Variants in PPP1R9A observed in about 807,000 individuals in gnomAD.
PPP1R9A encodes protein phosphatase 1 regulatory subunit 9A, also known as neurabin-1.
In PPP1R9A, 59 loss-of-function variants were observed where a neutral mutation model predicts 141.9. That is an observed-to-expected ratio of 0.42 (90% CI 0.34 to 0.52). The LOEUF (loss-of-function observed/expected upper bound fraction) is 0.52, where lower values mean the gene tolerates loss of function less well. PPP1R9A is among the 20% of genes least tolerant of loss of function. The pLI, the probability that PPP1R9A is intolerant of heterozygous loss-of-function variation, is 0.10. For missense variants in PPP1R9A, 1,444 were observed against 1,611.9 expected, an observed-to-expected ratio of 0.90 and a Z score of 1.78; for synonymous variants, 500 against 569.7, an observed-to-expected ratio of 0.88 and a Z score of 1.74.
chr7:94,913,520 G>T (rs1239023804), intron 2 of PPP1R9A, among the ~76,000 whole-genome samples: 1 of 152,070 alleles, frequency 6.6e-6, no homozygotes, highest in African/African-American at 2.4e-5. Context: ...ATTTGATTGG[G>T]CAGTTAACAG....
At chr7:94,940,061 G>A (rs552436120) in intron 2 of PPP1R9A, among the ~76,000 whole-genome samples, 5 of 152,028 alleles carry the variant, frequency 3.3e-5, no homozygotes, top group Non-Finnish European at 5.9e-5. Flanking sequence ...ATAGATGAAA[G>A]TTCTGATTTA....
In PPP1R9A at chr7:95,239,323, CT is replaced by C. The variant is rs201137483; in HGVS notation, c.2113-8146del. The stretch of plus-strand genomic sequence containing the variant: ...TTTGATGTTAATATTCTTACTGCTA[CT>C]TTTGTTTGCAGTTGCTGGATAAACA... On this transcript the variant is annotated intron_variant, in intron 8 of 19. Transcript: ENST00000433360. Among the ~76,000 whole-genome samples the C allele has an allele frequency of 8.0e-3, 1,225 of 152,260 alleles. 7 individuals are homozygous for C. Among genetic ancestry groups the C allele is most frequent in the African/African-American group, 0.014 (563 of 41,552 alleles).
chr7:95,258,213 C>G (rs1439217467), intron 12 of PPP1R9A, among the ~76,000 whole-genome samples: 1 of 152,130 alleles, frequency 6.6e-6, no homozygotes, highest in Non-Finnish European at 1.5e-5. Flanking sequence ...ACCATTCTAA[C>G]TGGTGTGAGA....
chr7:94,951,876 C>T (rs1441162526), intron 2 of PPP1R9A, among the ~76,000 whole-genome samples: 1 of 150,594 alleles, frequency 6.6e-6, no homozygotes. Flanking sequence ...TTAAATTTTT[C>T]ATTCAACCTC....
intron 2 of PPP1R9A, among the ~76,000 whole-genome samples, chr7:94,940,573 T>G (rs1353056489): frequency 2.0e-5 from 3 of 151,998 alleles, no homozygotes; most frequent in Admixed American, 2.0e-4. Flanking sequence ...AAGGAAAACA[T>G]TTAGCCTTAA....
In PPP1R9A at chr7:94,962,638, T is replaced by C. The variant is rs191416038; in HGVS notation, c.1395+51130T>C. 2.0e-5 allele frequency among the ~76,000 whole-genome samples: 3 copies of C among 152,202 alleles called. No homozygotes were observed. The East Asian group carries it at 5.8e-4, about 29-fold the overall frequency. On this transcript the variant is annotated intron_variant, in intron 2 of 19. Coordinates refer to ENST00000433360, the MANE Select transcript of PPP1R9A (RefSeq NM_001166160.2). ...CAATCAAAAAACTCATGTTGAAAAT[T>C]CAGATAAATAGCTAGCAAAATCACA...
intron 2 of PPP1R9A, among the ~76,000 whole-genome samples, chr7:94,926,713 G>A (rs1793530779): frequency 6.6e-6 from 1 of 150,858 alleles, no homozygotes; most frequent in Admixed American, 6.6e-5. Flanking sequence ...ACTTTTTTGG[G>A]GTCATTTCTG....
chr7:95,079,098 C>A (rs148950500), intron 2 of PPP1R9A, among the ~76,000 whole-genome samples: 1 of 152,086 alleles, frequency 6.6e-6, no homozygotes, highest in East Asian at 1.9e-4. Flanking sequence ...TTTCTTCTAG[C>A]GTATTTATGG....
intron 2 of PPP1R9A, among the ~76,000 whole-genome samples, chr7:94,951,750 C>T (rs973478673): frequency 2.6e-5 from 4 of 151,694 alleles, no homozygotes; most frequent in African/African-American, 9.7e-5. Context: ...GGAATGTTTT[C>T]ACCTCTTAGG....
Position 95,248,027 on chromosome 7 carries a change from T to G in PPP1R9A, c.2166+501T>G, listed in dbSNP as rs544628120. On this transcript the variant is annotated intron_variant, in intron 9 of 19. Coordinates refer to ENST00000433360, the MANE Select transcript of PPP1R9A (RefSeq NM_001166160.2). ...GTACTACTGGAAATTTTTAGTTGTT[T>G]GGTTCACATAATTTAAATTTGTGGG... Among the ~76,000 whole-genome samples, 3 of 151,502 alleles carry G rather than the reference T, an allele frequency of 2.0e-5. No individual in the cohort carries two copies. The East Asian group carries it at 5.9e-4, about 30-fold the overall frequency.
intron 4 of PPP1R9A, among the ~76,000 whole-genome samples, chr7:95,159,575 C>T (rs1296392587): frequency 1.3e-5 from 2 of 151,976 alleles, no homozygotes; most frequent in East Asian, 3.9e-4. Flanking sequence ...GAGAATAAAA[C>T]TAGAGACAAA....
At chr7:95,122,056 G>T (rs1251831909) in intron 4 of PPP1R9A, among the ~76,000 whole-genome samples, 1 of 151,314 alleles carries the variant, frequency 6.6e-6, no homozygotes, top group African/African-American at 2.4e-5. Flanking sequence ...ATTTTTTTAT[G>T]TTTAAGTATG....
At chr7:94,986,225 T>G (rs2151382285) in intron 2 of PPP1R9A, among the ~76,000 whole-genome samples, 1 of 152,316 alleles carries the variant, frequency 6.6e-6, no homozygotes, top group Admixed American at 6.5e-5. Flanking sequence ...TTCTGTTGTC[T>G]CTTCCTTTTC....
intron 2 of PPP1R9A, among the ~76,000 whole-genome samples, chr7:94,950,121 G>T (rs1208722004): frequency 6.6e-6 from 1 of 151,942 alleles, no homozygotes; most frequent in Non-Finnish European, 1.5e-5. Context: ...CTACTGTTTT[G>T]CCTGTTTACA....
At chr7:95,024,273 C>G (rs1003422734) in intron 2 of PPP1R9A, among the ~76,000 whole-genome samples, 1 of 152,082 alleles carries the variant, frequency 6.6e-6, no homozygotes, top group African/African-American at 2.4e-5. Flanking sequence ...GTGGAGATTT[C>G]TGTAGATGTC....
At chr7:95,232,767 A>G (rs1237903624) in intron 8 of PPP1R9A, among the ~76,000 whole-genome samples, 1 of 152,244 alleles carries the variant, frequency 6.6e-6, no homozygotes, top group Non-Finnish European at 1.5e-5. Flanking sequence ...CATATGAAAA[A>G]AAGCTTATCA....
rs552408126 is a variant in PPP1R9A at position 95,186,091 on chromosome 7, A to G, written c.1755-12258A>G. 3.9e-5 allele frequency among the ~76,000 whole-genome samples: 6 copies of G among 151,910 alleles called. No individual in the cohort carries two copies. The South Asian group carries it at 1.0e-3, about 26-fold the overall frequency. ...ATGATAGTGTTTTGATAGGAATTGC[A>G]TTGAATTTGTAGATTGCTTTTGGCA... is the stretch of plus-strand genomic sequence containing the variant. On this transcript the variant is annotated intron_variant, in intron 5 of 19. Transcript: ENST00000433360.
At chr7:95,078,974 T>A (rs973110035) in intron 2 of PPP1R9A, among the ~76,000 whole-genome samples, 1 of 152,152 alleles carries the variant, frequency 6.6e-6, no homozygotes, top group Non-Finnish European at 1.5e-5. Context: ...GTGCAGAAGC[T>A]CTTTAGTTTA....
At chr7:94,921,340 G>T (rs1792791304) in intron 2 of PPP1R9A, among the ~76,000 whole-genome samples, 2 of 151,754 alleles carry the variant, frequency 1.3e-5, no homozygotes, top group Non-Finnish European at 1.5e-5. Flanking sequence ...CCAGCTACTC[G>T]GGAGGCTGAG....
Sources: allele counts gnomAD v4.1 joint callset (sites outside exome capture counted in the v4.1 genomes callset), GRCh38; gene constraint gnomAD v4.1.1; transcripts MANE v1.5; gene names NCBI Gene and HGNC (gene_info 2026-07-23, HGNC 2026-07-21).